Variants in SEMA3A observed in about 807,000 individuals in gnomAD.
The protein encoded by SEMA3A is semaphorin-3A.
Under a neutral mutation model 97.9 loss-of-function variants are expected in SEMA3A, and 29 were observed. The observed-to-expected ratio is 0.30, with a 90% CI of 0.22 to 0.40. SEMA3A has a LOEUF of 0.40. Among genes scored for constraint, SEMA3A ranks in the 10% least tolerant of loss-of-function variants. The probability of loss-of-function intolerance (pLI) is 1.00; values close to 1 mark genes in which losing one functional copy is unlikely to be tolerated. For synonymous variants in SEMA3A, 321 were observed against 323.7 expected (o/e 0.99, Z 0.09); for missense variants, 763 against 951.3 (o/e 0.80, Z 2.60).
intron 3 of SEMA3A, among the ~76,000 whole-genome samples, chr7:84,122,795 G>A (rs1795666952): frequency 6.6e-6 from 1 of 152,044 alleles, no homozygotes; most frequent in Non-Finnish European, 1.5e-5. Flanking sequence ...GTGCTATTGA[G>A]GTCCTGCAAT....
At chr7:84,071,492 G>GA (rs1480182160) in intron 4 of SEMA3A, among the ~76,000 whole-genome samples, 2 of 152,004 alleles carry the variant, frequency 1.3e-5, no homozygotes, top group Non-Finnish European at 2.9e-5. Context: ...CAGGACAGAT[G>GA]AAAAAATACT....
intron 4 of SEMA3A, among the ~76,000 whole-genome samples, chr7:84,099,679 T>G (rs1794896551): frequency 6.6e-6 from 1 of 152,142 alleles, no homozygotes; most frequent in Admixed American, 6.6e-5. Context: ...TTAAACAGTG[T>G]CATCACCTCA....
At chr7:84,075,577 G>A (rs1455192293) in intron 4 of SEMA3A, among the ~76,000 whole-genome samples, 2 of 150,972 alleles carry the variant, frequency 1.3e-5, no homozygotes, top group Non-Finnish European at 2.9e-5. Flanking sequence ...TGCTGCCTCA[G>A]CCTCCCAAGT....
At chr7:83,972,881 A>C (rs539859146) in intron 15 of SEMA3A, among the ~76,000 whole-genome samples, 2 of 152,240 alleles carry the variant, frequency 1.3e-5, no homozygotes, top group African/African-American at 4.8e-5. Flanking sequence ...TTTTTTCCTC[A>C]GCAGAAGACA....
At chr7:84,073,709 G>C (rs1346672833) in intron 4 of SEMA3A, among the ~76,000 whole-genome samples, 1 of 151,922 alleles carries the variant, frequency 6.6e-6, no homozygotes, top group Non-Finnish European at 1.5e-5. Context: ...GGAAGAATTA[G>C]GTCTTTTCAT....
At chr7:84,173,813 A>G (rs896594620) in intron 1 of SEMA3A, among the ~76,000 whole-genome samples, 21 of 152,070 alleles carry the variant, frequency 1.4e-4, no homozygotes, top group Non-Finnish European at 2.5e-4. Context: ...GCAGCTGGAG[A>G]GCAAGCATTA....
At chr7:84,220,204 G>C (rs1437664397) in intron 3 of SEMA3A, among the ~76,000 whole-genome samples, 9 of 152,012 alleles carry the variant, frequency 5.9e-5, no homozygotes, top group African/African-American at 1.9e-4. Context: ...TTCTTTCTTC[G>C]TAGGAAGGAA....
chr7:84,147,049 A>G (rs1796484043), intron 1 of SEMA3A, among the ~76,000 whole-genome samples: 1 of 152,224 alleles, frequency 6.6e-6, no homozygotes, highest in African/African-American at 2.4e-5. Context: ...GTGTTCTTCA[A>G]ATAACCATAT....
At chr7:84,265,050 C>T (rs60821042) in intron 3 of SEMA3A, among the ~76,000 whole-genome samples, 10,854 of 152,132 alleles carry the variant, frequency 0.071, 540 homozygotes, top group Non-Finnish European at 0.083. Context: ...CAGAGTACCC[C>T]ACTTCGAAGA....
At chr7:84,104,816 TCTC>T (rs1161169874) in intron 4 of SEMA3A, among the ~76,000 whole-genome samples, 1 of 152,194 alleles carries the variant, frequency 6.6e-6, no homozygotes, top group Non-Finnish European at 1.5e-5. Flanking sequence ...CTGCAAAGCT[TCTC>T]CTCAAGTACA....
chr7:84,447,901 G>A (rs928598494), intron 1 of SEMA3A, among the ~76,000 whole-genome samples: 5 of 152,268 alleles, frequency 3.3e-5, no homozygotes, highest in Non-Finnish European at 2.9e-5. Context: ...AGGTGCCACC[G>A]CATTCCGCTA....
intron 1 of SEMA3A, among the ~76,000 whole-genome samples, chr7:84,405,443 A>G (rs1373037474): frequency 2.0e-5 from 3 of 152,152 alleles, no homozygotes; most frequent in African/African-American, 7.2e-5. Context: ...CACAACAATA[A>G]TGGGAGACTT....
At chr7:84,402,250 C>G (rs1048864751) in intron 1 of SEMA3A, among the ~76,000 whole-genome samples, 2 of 152,106 alleles carry the variant, frequency 1.3e-5, no homozygotes, top group Non-Finnish European at 2.9e-5. Context: ...TGGAAAAATG[C>G]TCAACATCAT....
chr7:84,015,347 A>G (rs1791057017), intron 6 of SEMA3A, among the ~76,000 whole-genome samples: 1 of 152,182 alleles, frequency 6.6e-6, no homozygotes, highest in Middle Eastern at 3.2e-3. Flanking sequence ...GAAAAGAAAA[A>G]TGGTGAGGGG....
chr7:84,047,375 A>G (rs1792398060), intron 5 of SEMA3A, among the ~76,000 whole-genome samples: 1 of 152,044 alleles, frequency 6.6e-6, no homozygotes, highest in Admixed American at 6.6e-5. Flanking sequence ...ATTTAGTTCT[A>G]TTAACAATCT....
In SEMA3A at chr7:84,129,111, G is replaced by T; in HGVS notation, c.333+12C>A. The T allele has an allele frequency of 6.3e-7, 1 of 1,594,932 alleles. No individual in the cohort carries two copies. The highest frequency in any genetic ancestry group is 8.6e-7 in the Non-Finnish European group (1 of 1,162,658). On this transcript the variant is annotated intron_variant, in intron 3 of 16. Transcript: ENST00000265362. The stretch of plus-strand genomic sequence containing the variant: ...CTCAACCTGTATAATAATTTAGTAG[G>T]TTAATGCTTACCAGGATGTCTTTTC...
At chr7:84,475,037 T>A (rs1366218213) in intron 1 of SEMA3A, among the ~76,000 whole-genome samples, 2 of 152,140 alleles carry the variant, frequency 1.3e-5, no homozygotes, top group African/African-American at 4.8e-5. Flanking sequence ...ACCTAAGGCC[T>A]CAGATGGGCT....
At chr7:84,042,283 A>G (rs1792161260) in intron 6 of SEMA3A, among the ~76,000 whole-genome samples, 1 of 152,076 alleles carries the variant, frequency 6.6e-6, no homozygotes, top group Admixed American at 6.6e-5. Context: ...GAAAAAGAGC[A>G]AGTGAGTTAG....
chr7:84,042,913 A>G (rs1488366675), intron 6 of SEMA3A, among the ~76,000 whole-genome samples: 1 of 152,132 alleles, frequency 6.6e-6, no homozygotes, highest in Non-Finnish European at 1.5e-5. Flanking sequence ...TATCATTATG[A>G]TAACAGCAGC....
Sources: gnomAD v4.1 joint callset for allele counts (sites outside exome capture counted in the v4.1 genomes callset) on GRCh38, gnomAD v4.1.1 for gene constraint, MANE v1.5 for transcripts, NCBI Gene and HGNC (gene_info 2026-07-23, HGNC 2026-07-21) for gene names.